CDH13: variants seen among roughly 807,000 people sequenced by gnomAD.
CDH13 encodes the protein cadherin 13.
CDH13 carries 24 observed loss-of-function variants against 63.8 expected under a neutral mutation model. The ratio of observed to expected loss-of-function variants is 0.38; its 90% CI spans 0.27 to 0.53. The LOEUF is 0.53. CDH13 is among the 20% of genes least tolerant of loss of function. CDH13 has a pLI of 0.85. For missense variants in CDH13, 1,049 were observed against 903.1 expected (o/e 1.16, Z -2.07); for synonymous variants, 503 against 355.3 (o/e 1.42, Z -4.67).
At position 82,823,739 on chromosome 16, in the gene CDH13, A is replaced by G. The variant is rs187401228; in HGVS notation, c.46-34623A>G. On this transcript the variant is annotated intron_variant, in intron 1 of 13. Coordinates refer to ENST00000567109, the MANE Select transcript of CDH13 (RefSeq NM_001257.5). ...ATTGTGTGTATTGAAAGATAAATGT[A>G]TATGTTAATTTGGAGAACTAGAATA... 311 of 152,326 alleles carry G rather than the reference A, an allele frequency of 2.0e-3. 3 individuals carry two copies. The highest frequency in any genetic ancestry group is 7.0e-3 in the African/African-American group (293 of 41,588). 9.4% of individuals were successfully genotyped at this position (152,326 alleles called of 1,614,324 possible). A position where few individuals can be genotyped will look rare whatever the true frequency, so the allele number is the denominator to read the frequency against.
At chr16:83,141,512 T>C (rs67652226) in intron 4 of CDH13, among the ~76,000 whole-genome samples, 33,606 of 152,146 alleles carry the variant, frequency 0.22, 3,978 homozygotes, top group African/African-American at 0.3. Context: ...TTTGTTTGTT[T>C]GTTTTTACTT....
intron 7 of CDH13, among the ~76,000 whole-genome samples, chr16:83,586,667 T>C (rs1410149625): frequency 6.6e-6 from 1 of 152,198 alleles, no homozygotes; most frequent in East Asian, 1.9e-4. Context: ...AGAAAAGGGC[T>C]GCCTCGTGGG....
chr16:83,183,063 G>A (rs959435528), intron 4 of CDH13, among the ~76,000 whole-genome samples: 1 of 152,060 alleles, frequency 6.6e-6, no homozygotes, highest in Non-Finnish European at 1.5e-5. Context: ...GGATTTTTCA[G>A]ATAAGGTTCC....
chr16:83,361,534 G>A (rs976126564), intron 6 of CDH13, among the ~76,000 whole-genome samples: 1 of 152,080 alleles, frequency 6.6e-6, no homozygotes, highest in African/African-American at 2.4e-5. Context: ...CGTTTCCTAG[G>A]TTTTCTTCCA....
intron 1 of CDH13, among the ~76,000 whole-genome samples, chr16:82,837,478 C>T (rs1295935722): frequency 3.3e-5 from 5 of 152,148 alleles, no homozygotes; most frequent in African/African-American, 1.2e-4. Flanking sequence ...CCCCAGTTTC[C>T]TTGATCCCCA....
intron 8 of CDH13, among the ~76,000 whole-genome samples, chr16:83,660,611 C>G (rs1193700783): frequency 6.6e-6 from 1 of 152,172 alleles, no homozygotes; most frequent in Non-Finnish European, 1.5e-5. Flanking sequence ...TAGAGGCCAA[C>G]TAGAATTTGC....
At chr16:83,124,526 ATT>A (rs796542234) in intron 3 of CDH13, among the ~76,000 whole-genome samples, 61 of 133,762 alleles carry the variant, frequency 4.6e-4, no homozygotes, top group Non-Finnish European at 5.7e-4. Flanking sequence ...TGAATTGTCC[ATT>A]TTTTTTTTTT....
chr16:83,038,947 G>A (rs1422545386), intron 3 of CDH13, among the ~76,000 whole-genome samples: 1 of 152,150 alleles, frequency 6.6e-6, no homozygotes, highest in Admixed American at 6.5e-5. Context: ...GACATCAAGG[G>A]GCTTAGAGGA....
At chr16:83,538,392 G>T (rs186679687) in intron 7 of CDH13, among the ~76,000 whole-genome samples, 1 of 152,256 alleles carries the variant, frequency 6.6e-6, no homozygotes, top group Admixed American at 6.5e-5. Context: ...AGAGTGAAAT[G>T]ACCAGTTAAG....
chr16:83,384,170 C>T (rs1349598509), intron 6 of CDH13, among the ~76,000 whole-genome samples: 1 of 152,180 alleles, frequency 6.6e-6, no homozygotes, highest in Non-Finnish European at 1.5e-5. Context: ...AGCCCTCCTA[C>T]CTTTCGTGTT....
intron 2 of CDH13, among the ~76,000 whole-genome samples, chr16:83,000,874 T>A (rs1712711033): frequency 6.6e-6 from 1 of 152,198 alleles, no homozygotes. Context: ...CCACCGCGCC[T>A]GGCCATTTAT....
chr16:82,864,946 A>C (rs1415293430), intron 2 of CDH13, among the ~76,000 whole-genome samples: 2 of 152,178 alleles, frequency 1.3e-5, no homozygotes, highest in East Asian at 3.9e-4. Context: ...ACTCACTCCA[A>C]ATGGGAAAAA....
At chr16:82,967,376 C>G (rs1338881604) in intron 2 of CDH13, among the ~76,000 whole-genome samples, 2 of 152,114 alleles carry the variant, frequency 1.3e-5, no homozygotes, top group African/African-American at 4.8e-5. Context: ...TTTTTTAAAA[C>G]TGACTTCCCC....
At chr16:83,712,399 AG>A (rs2150924760) in intron 10 of CDH13, among the ~76,000 whole-genome samples, 1 of 152,334 alleles carries the variant, frequency 6.6e-6, no homozygotes, top group East Asian at 1.9e-4. Flanking sequence ...TTTGCCCAAC[AG>A]GAAGGTTGGA....
At chr16:83,035,093 G>GA (rs60226217) in intron 3 of CDH13, among the ~76,000 whole-genome samples, 350 of 150,116 alleles carry the variant, frequency 2.3e-3, no homozygotes, top group African/African-American at 7.6e-3. Context: ...CTCAAAAAAG[G>GA]AAAAAAAAAT....
At chr16:83,793,251 C>CA (rs1916390188) in intron 13 of CDH13, among the ~76,000 whole-genome samples, 1 of 152,122 alleles carries the variant, frequency 6.6e-6, no homozygotes. Flanking sequence ...ATTGCACAGA[C>CA]AAAACGTGCT....
chr16:82,628,384 G>A (rs796501862), intron 1 of CDH13, among the ~76,000 whole-genome samples: 6 of 152,282 alleles, frequency 3.9e-5, no homozygotes, highest in Middle Eastern at 3.4e-3. Flanking sequence ...GAAAGGCAGG[G>A]GAAGGGAGTT....
rs9927263 is a variant in CDH13, at chr16:82,941,530, C to T, written c.157+83057C>T. Among the ~76,000 whole-genome samples, 354 of 152,164 alleles carry T rather than the reference C, an allele frequency of 2.3e-3. 2 individuals are homozygous for T. Among genetic ancestry groups the T allele is most frequent in the African/African-American group, 8.1e-3 (337 of 41,500 alleles). On this transcript the variant is annotated intron_variant, in intron 2 of 13. Transcript: ENST00000567109. ...AAATAGCCCTTCCCTTTCCTTTGTGCGCCAAAATTTACATAAAGCATTGTG... is the reference window on the plus strand; with the variant it reads ...AAATAGCCCTTCCCTTTCCTTTGTGTGCCAAAATTTACATAAAGCATTGTG...
intron 2 of CDH13, among the ~76,000 whole-genome samples, chr16:83,003,535 A>T (rs1382533601): frequency 6.6e-6 from 1 of 152,210 alleles, no homozygotes; most frequent in East Asian, 1.9e-4. Flanking sequence ...AAAAGCAAAC[A>T]AAGAAGGAGC....
Sources: gnomAD v4.1 joint callset for allele counts (sites outside exome capture counted in the v4.1 genomes callset) on GRCh38, gnomAD v4.1.1 for gene constraint, MANE v1.5 for transcripts, NCBI Gene and HGNC (gene_info 2026-07-23, HGNC 2026-07-21) for gene names.